Variants in REEP3 observed in about 807,000 individuals in gnomAD.
The protein encoded by REEP3 is receptor accessory protein 3, also known as receptor expression-enhancing protein 3.
In REEP3, 20 loss-of-function variants were observed where a neutral mutation model predicts 41.3. That is an observed-to-expected ratio of 0.48 (90% CI 0.34 to 0.70). The LOEUF is 0.70. REEP3 is among the 30% of genes least tolerant of loss of function. REEP3 has a pLI of 0.01. For synonymous variants in REEP3, 104 were observed against 101.8 expected (o/e 1.02, Z -0.13); for missense variants, 271 against 308.8 (o/e 0.88, Z 0.92).
chr10:63,589,969 A>G (rs1956045261), intron 2 of REEP3, among the ~76,000 whole-genome samples: 1 of 151,440 alleles, frequency 6.6e-6, no homozygotes, highest in Non-Finnish European at 1.5e-5. Flanking sequence ...TAATTTTTGT[A>G]TTTTTAGTAG....
At chr10:63,607,503 G>A (rs1439086406) in intron 5 of REEP3, among the ~76,000 whole-genome samples, 1 of 152,134 alleles carries the variant, frequency 6.6e-6, no homozygotes, top group Non-Finnish European at 1.5e-5. Context: ...TCTATCCATG[G>A]AGAAACCTGT....
At chr10:63,568,528 A>G (rs931793889) in intron 2 of REEP3, among the ~76,000 whole-genome samples, 1 of 152,030 alleles carries the variant, frequency 6.6e-6, no homozygotes, top group Admixed American at 6.6e-5. Flanking sequence ...CGGCCTCCCA[A>G]AGTGCTGGGA....
chr10:63,548,422 A>G (rs1047036897), intron 1 of REEP3, among the ~76,000 whole-genome samples: 3 of 152,200 alleles, frequency 2.0e-5, no homozygotes, highest in African/African-American at 7.2e-5. Context: ...CTATTCTTGA[A>G]CATGCAATTA....
At chr10:63,541,590 C>CAGA (rs1955528498) in intron 1 of REEP3, among the ~76,000 whole-genome samples, 3 of 152,052 alleles carry the variant, frequency 2.0e-5, no homozygotes, top group African/African-American at 7.2e-5. Flanking sequence ...ATTTGCTGAA[C>CAGA]AGAAATTGAT....
intron 1 of REEP3, among the ~76,000 whole-genome samples, chr10:63,524,396 T>G (rs1356972196): frequency 6.6e-6 from 1 of 152,082 alleles, no homozygotes; most frequent in Non-Finnish European, 1.5e-5. Context: ...TGTCCCAAGA[T>G]CCTGCACTTT....
intron 5 of REEP3, among the ~76,000 whole-genome samples, chr10:63,608,221 G>C (rs2133426381): frequency 6.6e-6 from 1 of 152,220 alleles, no homozygotes; most frequent in South Asian, 2.1e-4. Flanking sequence ...CTAATAAGGA[G>C]GAAGCAAGTA....
rs1956381675 is a variant in REEP3 at position 63,624,515 on chromosome 10, T to C, written c.*3646T>C. 1.3e-5 allele frequency: 2 copies of C among 152,144 alleles called. No homozygotes were observed. Among genetic ancestry groups the C allele is most frequent in the Admixed American group, 1.3e-4 (2 of 15,284 alleles). 9.4% of individuals were successfully genotyped at this position (152,144 alleles called of 1,614,324 possible). ...GCTATCTCTAAGCCTAGTATGTGGG[T>C]AATTTTACAGGTGTGTTTTTTGATA... On this transcript the variant is annotated 3_prime_UTR_variant, in exon 8 of 8. Coordinates refer to ENST00000373758, the MANE Select transcript of REEP3 (RefSeq NM_001001330.3).
chr10:63,612,142 C>T (rs903251539), intron 6 of REEP3, among the ~76,000 whole-genome samples: 18 of 151,848 alleles, frequency 1.2e-4, no homozygotes, highest in Middle Eastern at 3.4e-3. Context: ...TAGACATTTC[C>T]TTTTTTATTT....
chr10:63,577,475 G>C (rs998380089), intron 2 of REEP3, among the ~76,000 whole-genome samples: 2 of 152,150 alleles, frequency 1.3e-5, no homozygotes, highest in Non-Finnish European at 2.9e-5. Context: ...CCAGGATGGA[G>C]TGCAGTGGTG....
chr10:63,524,936 C>T (rs1417669250), intron 1 of REEP3, among the ~76,000 whole-genome samples: 1 of 151,990 alleles, frequency 6.6e-6, no homozygotes, highest in Non-Finnish European at 1.5e-5. Context: ...CACTTGAACC[C>T]TGGAGGCAAA....
At chr10:63,572,331 T>A (rs1282343344) in intron 2 of REEP3, among the ~76,000 whole-genome samples, 1 of 152,030 alleles carries the variant, frequency 6.6e-6, no homozygotes, top group African/African-American at 2.4e-5. Context: ...ATACTTTAAG[T>A]TCTCGGATAC....
intron 2 of REEP3, among the ~76,000 whole-genome samples, chr10:63,582,992 C>CTTTTTTTTTTTTTTTTTTTTTT (rs1391434567): frequency 1.3e-5 from 2 of 151,700 alleles, no homozygotes. Flanking sequence ...AGTTTTTTTT[C>CTTTTTTTTTTTTTTTTTTTTTT]TTTTTTGTTT....
At chr10:63,594,026 A>C (rs1266447670) in intron 2 of REEP3, among the ~76,000 whole-genome samples, 2 of 152,126 alleles carry the variant, frequency 1.3e-5, no homozygotes, top group Non-Finnish European at 2.9e-5. Context: ...AGGAATATAA[A>C]ATTTTAAAGA....
chr10:63,523,906 G>C (rs1459342953), intron 1 of REEP3, among the ~76,000 whole-genome samples: 1 of 152,162 alleles, frequency 6.6e-6, no homozygotes, highest in African/African-American at 2.4e-5. Flanking sequence ...TGGCAATGGA[G>C]ACCTGGAAGA....
At chr10:63,589,293 C>G (rs1956035701) in intron 2 of REEP3, among the ~76,000 whole-genome samples, 1 of 148,210 alleles carries the variant, frequency 6.7e-6, no homozygotes, top group Non-Finnish European at 1.5e-5. Context: ...AAAGGGCTAA[C>G]AGGTTTAGTA....
At chr10:63,574,876 GAGAC>G (rs1180199320) in intron 2 of REEP3, among the ~76,000 whole-genome samples, 1 of 25,658 alleles carries the variant, frequency 3.9e-5, no homozygotes, top group African/African-American at 2.3e-4. Context: ...TTTTTTTTTT[GAGAC>G]AGAGTCTCGC....
At chr10:63,569,070 T>C (rs1359633713) in intron 2 of REEP3, among the ~76,000 whole-genome samples, 8 of 152,216 alleles carry the variant, frequency 5.3e-5, no homozygotes, top group Admixed American at 3.9e-4. Context: ...AGTAACACAG[T>C]AGTGCTTTTA....
At chr10:63,548,130 G>A (rs1200494379) in intron 1 of REEP3, among the ~76,000 whole-genome samples, 1 of 152,178 alleles carries the variant, frequency 6.6e-6, no homozygotes, top group Non-Finnish European at 1.5e-5. Context: ...GAAGTGATAA[G>A]GATAGAAAAG....
intron 1 of REEP3, among the ~76,000 whole-genome samples, chr10:63,526,553 T>C (rs1955366407): frequency 1.3e-5 from 2 of 152,104 alleles, no homozygotes. Context: ...GTACTTTCTT[T>C]ATCACAATGT....
Sources: gnomAD v4.1 joint callset for allele counts (sites outside exome capture counted in the v4.1 genomes callset) on GRCh38, gnomAD v4.1.1 for gene constraint, MANE v1.5 for transcripts, NCBI Gene and HGNC (gene_info 2026-07-23, HGNC 2026-07-21) for gene names.